DLG3: variants seen among roughly 807,000 people sequenced by gnomAD.
DLG3 encodes disks large homolog 3.
Under a neutral mutation model 64.1 loss-of-function variants are expected in DLG3, and 1 was observed. The observed-to-expected ratio is 0.02, with a 90% confidence interval of 0.01 to 0.07. The LOEUF is 0.07. Among genes scored for constraint, DLG3 ranks in the 10% least tolerant of loss-of-function variants. DLG3 has a pLI of 1.00. For synonymous variants in DLG3, 245 were observed against 259.8 expected (o/e 0.94, Z 0.55); for missense variants, 429 against 669.5 (o/e 0.64, Z 3.96).
At chrX:70,487,402 C>A (rs980966672) in intron 10 of DLG3, among the ~76,000 whole-genome samples, 8 of 111,928 alleles carry the variant, frequency 7.1e-5, no homozygotes, top group Non-Finnish European at 1.5e-4. Flanking sequence ...CTCCCCAGCT[C>A]TACCTTTTGA....
chrX:70,474,216 G>C (rs952656737), intron 9 of DLG3, among the ~76,000 whole-genome samples: 1 of 111,669 alleles, frequency 9.0e-6, no homozygotes, highest in Non-Finnish European at 1.9e-5. Context: ...TGGACAGGGG[G>C]GCTACAAATT....
chrX:70,501,413 C>CTGTCTGTGTG (rs1421730747), intron 18 of DLG3, among the ~76,000 whole-genome samples: 1 of 93,894 alleles, frequency 1.1e-5, no homozygotes, highest in Admixed American at 1.2e-4. Flanking sequence ...GTCTGTCTGT[C>CTGTCTGTGTG]TGTGTGTGTG....
rs1015617791 is a variant in DLG3, at chrX:70,495,428, C to T, written c.1794C>T (p.Asp598=). 8.3e-6 allele frequency: 10 copies of T among 1,208,198 alleles called. No individual in the cohort carries two copies. Among genetic ancestry groups the T allele is most frequent in the East Asian group, 5.9e-5 (2 of 33,725 alleles). The change falls in exon 13 of 19, where the codon GAC becomes GAT. Residue 598 remains aspartate, a synonymous_variant. Transcript: ENST00000374360. ...ATCAGGACTTCCCGGGGTTAAGTGA[C>T]GATTATTATGGAGCAAAGAACCTGA... ...ESNRDFPGLS[D]DYYGAKNLKG...
At chrX:70,456,295 A>G (rs1369489232) in intron 9 of DLG3, among the ~76,000 whole-genome samples, 2 of 112,698 alleles carry the variant, frequency 1.8e-5, no homozygotes, top group African/African-American at 6.5e-5. Context: ...TCATGCCCAC[A>G]ACTTAGACAA....
At chrX:70,473,458 A>G (rs946229511) in intron 9 of DLG3, among the ~76,000 whole-genome samples, 6 of 111,741 alleles carry the variant, frequency 5.4e-5, no homozygotes, top group African/African-American at 2.0e-4. Context: ...CATTTTCTTC[A>G]TCACAGTTAT....
chrX:70,490,993 A>G (rs1354003085), intron 10 of DLG3, among the ~76,000 whole-genome samples: 2 of 109,304 alleles, frequency 1.8e-5, no homozygotes, highest in Non-Finnish European at 3.8e-5. Flanking sequence ...GCTCACTGTA[A>G]CCTCCACCTC....
chrX:70,454,447 C>A, intron 9 of DLG3, 131 bp downstream of exon 9: 1 of 564,394 alleles, frequency 1.8e-6, no homozygotes, highest in South Asian at 2.7e-5. Context: ...ACCTCTTCCT[C>A]TCTCCTTTTC....
At chrX:70,493,500 G>A in intron 12 of DLG3, 1 of 1,141,304 alleles carries the variant, frequency 8.8e-7, no homozygotes, top group Non-Finnish European at 1.2e-6. Context: ...AGTCCAGAGA[G>A]CAGGCCATCT....
chrX:70,493,332 T>C (rs996242293), intron 12 of DLG3: 14 of 1,105,721 alleles, frequency 1.3e-5, no homozygotes, highest in East Asian at 3.2e-5. Context: ...TTCTGTTTTT[T>C]TTTTTCTTCT....
chrX:70,495,382 T>A (rs756036242), intron 12 of DLG3, 26 bp from the exon 13 acceptor site: 1 of 1,206,385 alleles, frequency 8.3e-7, no homozygotes, highest in Non-Finnish European at 1.1e-6. Context: ...TCGTCCTCTC[T>A]CCGCCCTTGC....
rs770588314 is a variant in DLG3, at chrX:70,499,892, G to A, written c.1988G>A (p.Arg663Gln). ...CTTCCTTCAGATACTACCCGGCCTC[G>A]ACGTGATAATGAGGTGGATGGACAA... ...GSCVPHTTRPRRDNEVDGQDY... is the reference protein window; with the variant it reads ...GSCVPHTTRPQRDNEVDGQDY... Residue 663 changes from arginine (R) to glutamine (Q), a missense_variant, in exon 16 of 19, where the codon CGA becomes CAA. Coordinates refer to ENST00000374360, the MANE Select transcript of DLG3 (RefSeq NM_021120.4). 2.5e-6 allele frequency: 3 copies of A among 1,208,463 alleles called. No individual in the cohort carries two copies. The highest frequency in any genetic ancestry group is 2.2e-6 in the Non-Finnish European group (2 of 893,872).
chrX:70,502,310 A>G lies in DLG3; in HGVS notation c.*41A>G. 5.2e-6 allele frequency: 5 copies of G among 959,649 alleles called. No individual in the cohort carries two copies. Among genetic ancestry groups the G allele is most frequent in the Non-Finnish European group, 6.0e-6 (4 of 672,014 alleles). 79.1% of individuals were successfully genotyped at this position (959,649 alleles called of 1,213,427 possible). ...CATTCTCTTGTGAACAGAAGAAATC[A>G]AGTCCCTCTTCCCTCCTCCCTCTTC... On this transcript the variant is annotated 3_prime_UTR_variant, in exon 19 of 19. Coordinates refer to ENST00000374360, the MANE Select transcript of DLG3 (RefSeq NM_021120.4).
At chrX:70,460,627 T>G (rs1050112942) in intron 9 of DLG3, among the ~76,000 whole-genome samples, 9 of 112,669 alleles carry the variant, frequency 8.0e-5, no homozygotes, top group Non-Finnish European at 1.7e-4. Flanking sequence ...TTCATTCATT[T>G]AAGAGTATAC....
chrX:70,450,001 A>G, intron 4 of DLG3, 142 bp downstream of exon 4: 1 of 980,957 alleles, frequency 1.0e-6, no homozygotes, highest in Non-Finnish European at 1.4e-6. Context: ...TTTTGACCTC[A>G]GGCCTCACCC....
At chrX:70,490,952 G>A (rs781077397) in intron 10 of DLG3, among the ~76,000 whole-genome samples, 22 of 108,128 alleles carry the variant, frequency 2.0e-4, no homozygotes, top group African/African-American at 6.8e-4. Flanking sequence ...TTGCTCTGTC[G>A]CTTAGGCTGG....
chrX:70,482,525 G>C (rs954123633), intron 10 of DLG3, among the ~76,000 whole-genome samples: 1 of 110,948 alleles, frequency 9.0e-6, no homozygotes, highest in Middle Eastern at 4.7e-3. Context: ...TGGTTGCTCT[G>C]ACTATAAAGT....
chrX:70,475,264 A>T (rs1049616723), intron 9 of DLG3, among the ~76,000 whole-genome samples: 2 of 112,381 alleles, frequency 1.8e-5, no homozygotes, highest in African/African-American at 6.5e-5. Flanking sequence ...ATGTGTATCA[A>T]TTGAAATATG....
In DLG3 at chrX:70,449,834, G is replaced by A. The variant is rs902115508; in HGVS notation, c.678G>A (p.Glu226=). The change falls in exon 4 of 19, where the codon GAG becomes GAA. Residue 226 remains glutamate (E), a synonymous_variant. Transcript: ENST00000374360. ...RRQPPPETIM[E]VNLLKGPKGL... is the part of the protein sequence containing the mutation. ...AGCCTCCACCCGAGACCATCATGGAGGTCAACCTGCTCAAAGGGCCCAAAG... is the reference window on the plus strand; with the variant it reads ...AGCCTCCACCCGAGACCATCATGGAAGTCAACCTGCTCAAAGGGCCCAAAG... 6 of 1,189,400 alleles carry A rather than the reference G, an allele frequency of 5.0e-6. No individual in the cohort carries two copies. The Admixed American group carries it at 1.2e-4, about 24-fold the overall frequency.
At chrX:70,460,010 C>T (rs1360994955) in intron 9 of DLG3, among the ~76,000 whole-genome samples, 1 of 111,114 alleles carries the variant, frequency 9.0e-6, no homozygotes, top group Non-Finnish European at 1.9e-5. Flanking sequence ...CCAGGCCGGG[C>T]GCGGTGGCTC....
Sources: gnomAD v4.1 joint callset for allele counts (sites outside exome capture counted in the v4.1 genomes callset) on GRCh38, gnomAD v4.1.1 for gene constraint, MANE v1.5 for transcripts, NCBI Gene and HGNC (gene_info 2026-07-23, HGNC 2026-07-21) for gene names.